Variants in ALKBH8 observed in about 807,000 individuals in gnomAD.
ALKBH8 encodes the protein tRNA (carboxymethyluridine(34)-5-O)-methyltransferase ALKBH8.
Under a neutral mutation model 59.8 loss-of-function variants are expected in ALKBH8, and 36 were observed. That is an observed-to-expected ratio of 0.60 (90% CI 0.46 to 0.79). The LOEUF (loss-of-function observed/expected upper bound fraction) is 0.79. Among genes scored for constraint, ALKBH8 ranks in the 30% least tolerant of loss-of-function variants. The pLI is 0.00. For missense variants in ALKBH8, 768 were observed against 801.0 expected (o/e 0.96, Z 0.50); for synonymous variants, 276 against 273.6 (o/e 1.01, Z -0.09).
In ALKBH8 at chr11:107,509,322, C is replaced by A. The variant is rs115269379; in HGVS notation, c.1437+1565G>T. 2.7e-3 allele frequency among the ~76,000 whole-genome samples: 405 copies of A among 152,184 alleles called. 3 individuals carry two copies. Among genetic ancestry groups the A allele is most frequent in the African/African-American group, 8.2e-3 (341 of 41,522 alleles). On this transcript the variant is annotated intron_variant, in intron 11 of 11. Transcript: ENST00000428149. ...TTGTATATCTTCTTTGGAAAAATGT[C>A]TATTTAAGTCCTCTGTCCATTTTTA...
chr11:107,539,695 A>G (rs1004119181), intron 7 of ALKBH8, among the ~76,000 whole-genome samples: 2 of 152,212 alleles, frequency 1.3e-5, no homozygotes, highest in African/African-American at 4.8e-5. Context: ...CAAAACAACA[A>G]CAAAAAGCAA....
At chr11:107,552,008 C>A in intron 5 of ALKBH8, 96 bp from the exon 6 acceptor site, 1 of 586,300 alleles carries the variant, frequency 1.7e-6, no homozygotes. Context: ...AATCTCTGAG[C>A]TTTTAATTTA....
At chr11:107,524,128 A>G (rs1162818155) in intron 9 of ALKBH8, among the ~76,000 whole-genome samples, 1 of 151,966 alleles carries the variant, frequency 6.6e-6, no homozygotes, top group Non-Finnish European at 1.5e-5. Flanking sequence ...GCGCGATCAT[A>G]GCTCACTGCA....
Position 107,510,877 on chromosome 11 carries a change from C to A in ALKBH8, c.1437+10G>T, listed in dbSNP as rs1158420385. The A allele has an allele frequency of 6.5e-7, 1 of 1,550,220 alleles. No individual in the cohort carries two copies. Among genetic ancestry groups the A allele is most frequent in the East Asian group, 2.4e-5 (1 of 40,912 alleles). On this transcript the variant is annotated intron_variant, in intron 11 of 11. Transcript: ENST00000428149. ...TACAAGTTCTTAAGAGAAAGAAAGA[C>A]CATACTTACTGCTGTTGCAAAATGA...
intron 7 of ALKBH8, among the ~76,000 whole-genome samples, chr11:107,535,549 T>C (rs1863779237): frequency 1.3e-5 from 2 of 152,338 alleles, no homozygotes; most frequent in Non-Finnish European, 2.9e-5. Flanking sequence ...TCCACTTGTA[T>C]ATTGTCTTTT....
chr11:107,562,987 C>T (rs1864997212), intron 1 of ALKBH8, among the ~76,000 whole-genome samples: 2 of 152,110 alleles, frequency 1.3e-5, no homozygotes, highest in Non-Finnish European at 2.9e-5. Flanking sequence ...ATGAGTGCTA[C>T]CACTTCAAAA....
intron 10 of ALKBH8, among the ~76,000 whole-genome samples, chr11:107,511,877 AT>A (rs918255305): frequency 1.1e-3 from 164 of 150,554 alleles, no homozygotes; most frequent in African/African-American, 3.6e-3. Flanking sequence ...CGCCCAGACA[AT>A]TTTTTTTTTA....
intron 10 of ALKBH8, among the ~76,000 whole-genome samples, chr11:107,521,043 A>G (rs976394031): frequency 6.6e-6 from 1 of 152,192 alleles, no homozygotes; most frequent in Non-Finnish European, 1.5e-5. Flanking sequence ...ATACAGGAGG[A>G]TATGTATAGG....
intron 7 of ALKBH8, among the ~76,000 whole-genome samples, chr11:107,533,403 G>C (rs1188934836): frequency 6.6e-6 from 1 of 152,122 alleles, no homozygotes. Context: ...ACTATTAATA[G>C]TAATATTGGA....
chr11:107,534,451 A>G (rs1351648644), intron 7 of ALKBH8, among the ~76,000 whole-genome samples: 1 of 152,230 alleles, frequency 6.6e-6, no homozygotes, highest in East Asian at 1.9e-4. Context: ...AAGAGAGACA[A>G]GCTCTATATC....
chr11:107,505,290 T>C, intron 11 of ALKBH8, 75 bp from the exon 12 acceptor site: 2 of 1,116,816 alleles, frequency 1.8e-6, no homozygotes, highest in Non-Finnish European at 2.5e-6. Context: ...ACCATAGGAC[T>C]GTTTTCAATT....
At chr11:107,521,040 A>G (rs1017851292) in intron 10 of ALKBH8, among the ~76,000 whole-genome samples, 1 of 152,228 alleles carries the variant, frequency 6.6e-6, no homozygotes, top group Non-Finnish European at 1.5e-5. Context: ...AATATACAGG[A>G]GGATATGTAT....
intron 9 of ALKBH8, among the ~76,000 whole-genome samples, chr11:107,523,821 C>T (rs2141387): frequency 0.27 from 40,802 of 151,496 alleles, 6,208 homozygotes; most frequent in East Asian, 0.47. Flanking sequence ...AGGCTGGTCT[C>T]GAACTCCTGA....
chr11:107,534,911 A>G (rs187878758), intron 7 of ALKBH8, among the ~76,000 whole-genome samples: 1 of 152,158 alleles, frequency 6.6e-6, no homozygotes, highest in East Asian at 1.9e-4. Context: ...TCACCCCCGC[A>G]ACTTTTCCCC....
Position 107,522,178 on chromosome 11 carries a change from A to G in ALKBH8, c.1287+121T>C. ...AGAATAAAAAAAATCATTAATTTTC[A>G]ATCTGTTGGTTATAACTTTCTGGCA... is the stretch of plus-strand genomic sequence containing the variant. On this transcript the variant is annotated intron_variant, in intron 10 of 11. Coordinates refer to ENST00000428149, the MANE Select transcript of ALKBH8 (RefSeq NM_138775.3). 2.5e-6 allele frequency: 3 copies of G among 1,185,956 alleles called. No individual in the cohort carries two copies. The South Asian group carries it at 5.1e-5, about 20-fold the overall frequency. The allele number at this position is 1,185,956 out of a possible 1,614,324, so 73.5% of individuals were successfully genotyped here. A position where few individuals can be genotyped will look rare whatever the true frequency, so the allele number is the denominator to read the frequency against.
chr11:107,552,838 A>G (rs1864551821), intron 5 of ALKBH8, among the ~76,000 whole-genome samples: 1 of 152,194 alleles, frequency 6.6e-6, no homozygotes, highest in Non-Finnish European at 1.5e-5. Flanking sequence ...GTCTATCGAT[A>G]GAGAACTATT....
intron 10 of ALKBH8, among the ~76,000 whole-genome samples, chr11:107,521,195 T>C (rs915835206): frequency 6.6e-6 from 1 of 152,138 alleles, no homozygotes; most frequent in East Asian, 1.9e-4. Flanking sequence ...ACTTCCTCAG[T>C]AGAATCCTAG....
intron 1 of ALKBH8, among the ~76,000 whole-genome samples, chr11:107,564,100 T>C (rs1591337958): frequency 6.6e-6 from 1 of 152,194 alleles, no homozygotes; most frequent in Non-Finnish European, 1.5e-5. Flanking sequence ...GTGACATTAC[T>C]GGAGTGAAGT....
Position 107,560,753 on chromosome 11 carries a change from G to C in ALKBH8, c.129+12C>G. The C allele has an allele frequency of 6.3e-7, 1 of 1,596,578 alleles. No individual in the cohort carries two copies. The highest frequency in any genetic ancestry group is 2.2e-5 in the East Asian group (1 of 44,650). On this transcript the variant is annotated intron_variant, in intron 2 of 11. Transcript: ENST00000428149. ...CATTTACATTCTAATAATAATAGTA[G>C]TTTTAGGTCACCTGAGTGGCATAGG...
Sources: allele counts gnomAD v4.1 joint callset (sites outside exome capture counted in the v4.1 genomes callset), GRCh38; gene constraint gnomAD v4.1.1; transcripts MANE v1.5; gene names NCBI Gene and HGNC (gene_info 2026-07-23, HGNC 2026-07-21).